AFF3: variants seen among roughly 807,000 people sequenced by gnomAD.
The protein encoded by AFF3 is AF4/FMR2 family member 3.
AFF3 carries 32 observed loss-of-function variants against 129.7 expected under a neutral mutation model. That is an observed-to-expected ratio of 0.25 (90% CI 0.19 to 0.33). The LOEUF (loss-of-function observed/expected upper bound fraction) is 0.33, where lower values mean the gene tolerates loss of function less well. AFF3 is among the 10% of genes least tolerant of loss of function. The pLI, the probability that AFF3 is intolerant of heterozygous loss-of-function variation, is 1.00. For synonymous variants in AFF3, 644 were observed against 635.4 expected (o/e 1.01, Z -0.20); for missense variants, 1,373 against 1,592.0 (o/e 0.86, Z 2.34).
chr2:100,055,625 C>T (rs1686707056), intron 4 of AFF3, among the ~76,000 whole-genome samples: 1 of 152,146 alleles, frequency 6.6e-6, no homozygotes, highest in South Asian at 2.1e-4. Context: ...AGTGTTCTGT[C>T]TAGGCCAGAG....
At chr2:100,051,603 C>A (rs746206818) in intron 4 of AFF3, among the ~76,000 whole-genome samples, 11 of 152,144 alleles carry the variant, frequency 7.2e-5, no homozygotes, top group Non-Finnish European at 1.6e-4. Context: ...ATGAAAAAAA[C>A]CAGCATGGCT....
intron 20 of AFF3, among the ~76,000 whole-genome samples, chr2:99,561,460 G>C (rs1056619784): frequency 2.0e-5 from 3 of 152,136 alleles, no homozygotes; most frequent in African/African-American, 7.2e-5. Flanking sequence ...GGGATAGTAT[G>C]GAAGTCTTAC....
chr2:99,846,283 CCAT>C (rs1238423374), intron 7 of AFF3, among the ~76,000 whole-genome samples: 1 of 152,140 alleles, frequency 6.6e-6, no homozygotes, highest in African/African-American at 2.4e-5. Context: ...GCACCCACCA[CCAT>C]GCCTGGTTAG....
chr2:99,650,621 G>A (rs1339414812), intron 12 of AFF3, among the ~76,000 whole-genome samples: 1 of 152,016 alleles, frequency 6.6e-6, no homozygotes, highest in Non-Finnish European at 1.5e-5. Flanking sequence ...CAGAGTGGGT[G>A]GGCACATACA....
chr2:100,121,889 C>T (rs1411409510), intron 2 of AFF3, among the ~76,000 whole-genome samples: 1 of 151,686 alleles, frequency 6.6e-6, no homozygotes, highest in Non-Finnish European at 1.5e-5. Flanking sequence ...GGTGAAACCC[C>T]GTCTCTACTA....
intron 8 of AFF3, among the ~76,000 whole-genome samples, chr2:99,791,074 G>A (rs1298006614): frequency 6.6e-6 from 1 of 152,186 alleles, no homozygotes; most frequent in Non-Finnish European, 1.5e-5. Context: ...TTCTAGACAG[G>A]TGATGTTCTA....
At chr2:99,829,987 G>C (rs1688398075) in intron 8 of AFF3, among the ~76,000 whole-genome samples, 1 of 152,178 alleles carries the variant, frequency 6.6e-6, no homozygotes. Flanking sequence ...CAGGGACATA[G>C]ATGAAGCCAC....
chr2:99,562,394 T>A (rs966773020), intron 20 of AFF3, among the ~76,000 whole-genome samples: 1 of 152,232 alleles, frequency 6.6e-6, no homozygotes, highest in African/African-American at 2.4e-5. Context: ...ATATTTTTTG[T>A]CCTCAAGTTC....
At chr2:99,556,981 T>C (rs1024973365) in intron 22 of AFF3, among the ~76,000 whole-genome samples, 1 of 152,016 alleles carries the variant, frequency 6.6e-6, no homozygotes, top group Non-Finnish European at 1.5e-5. Context: ...GTTCTGGAGA[T>C]CTATTGTATG....
intron 7 of AFF3, among the ~76,000 whole-genome samples, chr2:99,987,138 A>G (rs1482595347): frequency 6.6e-6 from 1 of 152,228 alleles, no homozygotes; most frequent in African/African-American, 2.4e-5. Context: ...CCCTAAAAGG[A>G]GGGTCTCTCT....
In AFF3 at chr2:100,007,372, T is replaced by G. The variant is rs1423348807; in HGVS notation, c.263A>C (p.Asn88Thr). The G allele has an allele frequency of 1.2e-6, 2 of 1,614,166 alleles. No individual in the cohort carries two copies. The highest frequency in any genetic ancestry group is 2.2e-5 in the South Asian group (2 of 91,078). ...EMKDFLTDRS[N>T]QSHLVGVPKP... ...GGGAACTCCAACGAGATGACTCTGA[T>G]TGGATCTATCAGTTAAAAAGTCTTT... is the stretch of plus-strand genomic sequence containing the variant. Residue 88 changes from asparagine (N) to threonine (T), a missense_variant, in exon 6 of 25, where the codon AAT (asparagine) becomes ACT (threonine). Around this residue, in one of 9 missense-constraint regions of AFF3, gnomAD observed 255 missense variants for 256.0 expected, o/e 1.00. Coordinates refer to ENST00000672756, the MANE Select transcript of AFF3 (RefSeq NM_001386135.1).
intron 7 of AFF3, among the ~76,000 whole-genome samples, chr2:99,914,539 T>A (rs1481447475): frequency 4.6e-5 from 7 of 152,200 alleles, no homozygotes; most frequent in Non-Finnish European, 1.0e-4. Flanking sequence ...TCATGTTAAC[T>A]TCTGGATTTT....
intron 8 of AFF3, among the ~76,000 whole-genome samples, chr2:99,793,577 C>T (rs1685356817): frequency 6.6e-6 from 1 of 152,166 alleles, no homozygotes; most frequent in African/African-American, 2.4e-5. Context: ...TTGTTAACAG[C>T]AGCCCTTTAT....
At chr2:99,883,930 C>T (rs1043824174) in intron 7 of AFF3, among the ~76,000 whole-genome samples, 7 of 152,146 alleles carry the variant, frequency 4.6e-5, no homozygotes, top group African/African-American at 1.4e-4. Context: ...ATTAAGCAGA[C>T]AGAACTCTGC....
chr2:99,821,297 CA>C (rs1204626375), intron 8 of AFF3, among the ~76,000 whole-genome samples: 1 of 152,106 alleles, frequency 6.6e-6, no homozygotes, highest in Admixed American at 6.5e-5. Flanking sequence ...GGCTGTTTTA[CA>C]GGTAACTTTT....
chr2:99,826,248 C>T (rs1323297667), intron 8 of AFF3, among the ~76,000 whole-genome samples: 1 of 152,146 alleles, frequency 6.6e-6, no homozygotes, highest in African/African-American at 2.4e-5. Context: ...CTCCTGACCA[C>T]AGGTGATCCA....
chr2:100,104,472 TCGCCGCCGCCGCTAC>T lies in AFF3; in HGVS notation c.-33_-19del. The T allele has an allele frequency of 1.5e-6, 2 of 1,304,078 alleles. No homozygotes were observed. Among genetic ancestry groups the T allele is most frequent in the South Asian group, 1.4e-5 (1 of 72,212 alleles). 80.8% of individuals were successfully genotyped at this position (1,304,078 alleles called of 1,614,324 possible). A position where few individuals can be genotyped will look rare whatever the true frequency, so the allele number is the denominator to read the frequency against. ...CTGTCCATGGTGGGAGGTGTCAGCG[TCGCCGCCGCCGCTAC>T]CGCCGCCGCCGAGGCTCGGGCCGCC... On this transcript the variant is annotated 5_prime_UTR_variant, in exon 4 of 25. Coordinates refer to ENST00000672756, the MANE Select transcript of AFF3 (RefSeq NM_001386135.1).
chr2:100,015,927 T>C (rs1682984296), intron 4 of AFF3, among the ~76,000 whole-genome samples: 1 of 152,082 alleles, frequency 6.6e-6, no homozygotes, highest in South Asian at 2.1e-4. Flanking sequence ...GTGATGGTGA[T>C]GATGGTTATG....
At chr2:99,552,202 A>G (rs1465666168) in intron 24 of AFF3, among the ~76,000 whole-genome samples, 1 of 152,148 alleles carries the variant, frequency 6.6e-6, no homozygotes, top group Non-Finnish European at 1.5e-5. Context: ...TCAGGACAAC[A>G]TGGCAAAACC....
Sources: allele counts gnomAD v4.1 joint callset (sites outside exome capture counted in the v4.1 genomes callset), GRCh38; gene constraint gnomAD v4.1.1; regional missense constraint gnomAD v4.1.1; transcripts MANE v1.5; gene names NCBI Gene and HGNC (gene_info 2026-07-23, HGNC 2026-07-21).